Variants in SIDT1 observed in about 807,000 individuals in gnomAD.
The protein encoded by SIDT1 is SID1 transmembrane family member 1, also known as SID1 transmembrane family, member 1.
In SIDT1, 101 loss-of-function variants were observed where a neutral mutation model predicts 107.5. The ratio of observed to expected loss-of-function variants is 0.94; its 90% CI spans 0.80 to 1.11. The LOEUF is 1.11. Ranked by LOEUF, SIDT1 falls within the 50% of genes least tolerant of loss-of-function variation. SIDT1 has a pLI of 0.00. For synonymous variants in SIDT1, 395 were observed against 398.2 expected (o/e 0.99, Z 0.10); for missense variants, 1,076 against 1,058.2 (o/e 1.02, Z -0.23).
rs1426593261 is a variant in SIDT1, at chr3:113,556,830, T to TTTTTTTC, written c.223-9584_223-9583insCTTTTTT. On this transcript the variant is annotated intron_variant, in intron 1 of 24. Transcript: ENST00000264852. ...CCCTAAGTTTCTTTTTCTTTTTTTT[T>TTTTTTTC]TTTTTTTGAAATAGAGTCTGGCTCT... Among the ~76,000 whole-genome samples, 9 of 143,022 alleles carry TTTTTTTC rather than the reference T, an allele frequency of 6.3e-5. No homozygotes were observed. In the South Asian group the frequency reaches 7.0e-4, roughly 11 times the overall value. 93.8% of individuals were successfully genotyped at this position (143,022 alleles called of 152,430 possible). A position where few individuals can be genotyped will look rare whatever the true frequency, so the allele number is the denominator to read the frequency against.
At chr3:113,636,236 C>G in the SIDT1 span, among the ~76,000 whole-genome samples, 1 of 152,154 alleles carries the variant, frequency 6.6e-6, no homozygotes, top group East Asian at 1.9e-4. Flanking sequence ...GAAACCCTGT[C>G]CCTACTAAAA....
rs561899064 is a variant in SIDT1, at chr3:113,566,356, G to T, written c.223-64G>T. On this transcript the variant is annotated intron_variant, in intron 1 of 24. Coordinates refer to ENST00000264852, the MANE Select transcript of SIDT1 (RefSeq NM_017699.3). Reference sequence around the variant, plus strand: ...TGTGTGTTTGTGTGTGTGTGTGTGTGTGTGTGTGTTTGCATGTGTGCATGT... The same window carrying T: ...TGTGTGTTTGTGTGTGTGTGTGTGTTTGTGTGTGTTTGCATGTGTGCATGT... 6.7e-6 allele frequency: 10 copies of T among 1,494,078 alleles called. No homozygotes were observed. In the Admixed American group the frequency reaches 1.2e-4, roughly 18 times the overall value. The allele number at this position is 1,494,078 out of a possible 1,614,324, so 92.6% of individuals were successfully genotyped here. A position where few individuals can be genotyped will look rare whatever the true frequency, so the allele number is the denominator to read the frequency against.
chr3:113,617,734 T>A (rs1232678144), intron 20 of SIDT1, among the ~76,000 whole-genome samples: 1 of 152,242 alleles, frequency 6.6e-6, no homozygotes, highest in African/African-American at 2.4e-5. Flanking sequence ...TTACATTAAT[T>A]GATAGAGGCT....
At chr3:113,586,066 A>G (rs1943721608) in intron 9 of SIDT1, among the ~76,000 whole-genome samples, 1 of 152,208 alleles carries the variant, frequency 6.6e-6, no homozygotes. Context: ...AACTCCATCC[A>G]TGGAAAGACT....
At chr3:113,588,238 A>G (rs1262869633) in intron 9 of SIDT1, among the ~76,000 whole-genome samples, 1 of 152,236 alleles carries the variant, frequency 6.6e-6, no homozygotes, top group African/African-American at 2.4e-5. Context: ...GGTCAAATGC[A>G]CAGCATAGAT....
At chr3:113,565,357 C>G (rs1941806467) in intron 1 of SIDT1, among the ~76,000 whole-genome samples, 1 of 151,982 alleles carries the variant, frequency 6.6e-6, no homozygotes, top group African/African-American at 2.4e-5. Context: ...CATGGTGAAA[C>G]CCCATCTCTA....
At chr3:113,634,073 A>T (rs958392388), downstream of SIDT1, among the ~76,000 whole-genome samples, 4 of 152,216 alleles carry the variant, frequency 2.6e-5, no homozygotes, top group South Asian at 8.3e-4. Context: ...ATTTTTCATA[A>T]GAAAAATGAA....
At chr3:113,625,897 T>C in intron 23 of SIDT1, 1 of 544,898 alleles carries the variant, frequency 1.8e-6, no homozygotes. Flanking sequence ...CGTAGCTTGA[T>C]GTAATCTCGC....
chr3:113,568,322 G>A (rs1418722024), intron 3 of SIDT1, among the ~76,000 whole-genome samples: 2 of 152,124 alleles, frequency 1.3e-5, no homozygotes, highest in South Asian at 2.1e-4. Flanking sequence ...AAGGCCGGGT[G>A]TGGTGGCTCA....
At chr3:113,604,134 G>A in intron 13 of SIDT1, 101 bp downstream of exon 13, 1 of 763,978 alleles carries the variant, frequency 1.3e-6, no homozygotes, top group Non-Finnish European at 2.1e-6. Flanking sequence ...GTTTAATGAG[G>A]CACAGGCATA....
intron 1 of SIDT1, among the ~76,000 whole-genome samples, chr3:113,559,289 A>G (rs57943861): frequency 0.014 from 2,117 of 152,340 alleles, 43 homozygotes; most frequent in African/African-American, 0.048. Context: ...CATTGCACCA[A>G]CTAACATTTT....
rs772351239 is a variant in SIDT1 at position 113,567,657 on chromosome 3, C to G, written c.462C>G (p.Pro154=). 14 of 1,613,998 alleles carry G rather than the reference C, an allele frequency of 8.7e-6. No homozygotes were observed. The highest frequency in any genetic ancestry group is 1.2e-5 in the Non-Finnish European group (14 of 1,180,028). The change falls in exon 3 of 25, where the codon CCC becomes CCG. Residue 154 remains proline, a synonymous_variant. Transcript: ENST00000264852. ...LIFVDVASMA[P]LGAQYKLLVT... ...TTGTAGATGTCGCATCCATGGCACC[C>G]CTGGGTGCTCAGTACAAACTGCTAG... is the stretch of plus-strand genomic sequence containing the variant.
intron 5 of SIDT1, 88 bp from the exon 6 acceptor site, chr3:113,581,272 AG>A: frequency 1.9e-6 from 2 of 1,071,472 alleles, no homozygotes; most frequent in Non-Finnish European, 2.9e-6. Flanking sequence ...CTGTGATCCA[AG>A]CAGAAAGATG....
At chr3:113,620,514 AT>A (rs1462018665) in intron 21 of SIDT1, among the ~76,000 whole-genome samples, 1 of 149,116 alleles carries the variant, frequency 6.7e-6, no homozygotes, top group Admixed American at 6.7e-5. Flanking sequence ...AAAAAAAAAA[AT>A]GATTCTGTAA....
intron 1 of SIDT1, among the ~76,000 whole-genome samples, chr3:113,564,135 A>T (rs916450849): frequency 8.5e-5 from 13 of 152,086 alleles, no homozygotes; most frequent in Non-Finnish European, 1.5e-4. Flanking sequence ...TTTAATAAAG[A>T]CTGGGTATCT....
chr3:113,552,480 TG>T (rs141881532), intron 1 of SIDT1, among the ~76,000 whole-genome samples: 1,646 of 152,216 alleles, frequency 0.011, 28 homozygotes, highest in African/African-American at 0.038. Flanking sequence ...AGAAAGCAAC[TG>T]GCAAATATAA....
intron 10 of SIDT1, among the ~76,000 whole-genome samples, chr3:113,599,463 C>T (rs1001460951): frequency 6.6e-6 from 1 of 152,224 alleles, no homozygotes; most frequent in African/African-American, 2.4e-5. Context: ...TATTTACTAC[C>T]AATTGTTCTT....
intron 14 of SIDT1, 60 bp downstream of exon 14, chr3:113,605,036 C>A: frequency 6.4e-7 from 1 of 1,566,674 alleles, no homozygotes; most frequent in East Asian, 2.2e-5. Flanking sequence ...GGGAGAGTCT[C>A]CACTGTGACT....
At chr3:113,541,143 T>TACAC (rs34408872) in intron 1 of SIDT1, among the ~76,000 whole-genome samples, 5,428 of 147,726 alleles carry the variant, frequency 0.037, 153 homozygotes, top group African/African-American at 0.088. Context: ...TACACACACA[T>TACAC]ACACACACAC....
Sources: gnomAD v4.1 joint callset for allele counts (sites outside exome capture counted in the v4.1 genomes callset) on GRCh38, gnomAD v4.1.1 for gene constraint, MANE v1.5 for transcripts, NCBI Gene and HGNC (gene_info 2026-07-23, HGNC 2026-07-21) for gene names.